PRKN: variants seen among roughly 807,000 people sequenced by gnomAD.
The protein encoded by PRKN is E3 ubiquitin-protein ligase parkin.
Under a neutral mutation model 59.5 loss-of-function variants are expected in PRKN, and 56 were observed. The ratio of observed to expected loss-of-function variants is 0.94; its 90% CI spans 0.76 to 1.18. The LOEUF is 1.18. PRKN is among the 50% of genes most tolerant of loss of function. The pLI is 0.00. For missense variants in PRKN, 657 were observed against 596.4 expected, an observed-to-expected ratio of 1.10 and a Z score of -1.06; for synonymous variants, 250 against 222.1, an observed-to-expected ratio of 1.13 and a Z score of -1.12.
At chr6:161,763,767 C>G (rs1789307319) in intron 7 of PRKN, among the ~76,000 whole-genome samples, 2 of 152,052 alleles carry the variant, frequency 1.3e-5, no homozygotes, top group South Asian at 2.1e-4. Context: ...CATGATACCA[C>G]TCACGAGCAT....
chr6:162,401,287 G>GT (rs1043908376), intron 2 of PRKN, among the ~76,000 whole-genome samples: 31 of 150,950 alleles, frequency 2.1e-4, no homozygotes, highest in Non-Finnish European at 4.1e-4. Flanking sequence ...TAAAAAGCTA[G>GT]TTCTTCACTG....
At chr6:161,589,517 T>A (rs1238359409) in intron 7 of PRKN, among the ~76,000 whole-genome samples, 2 of 151,968 alleles carry the variant, frequency 1.3e-5, no homozygotes, top group African/African-American at 4.8e-5. Context: ...AAATTTGATC[T>A]CCCTCTTCAG....
chr6:162,596,402 T>TGTTA (rs760774338), intron 1 of PRKN, among the ~76,000 whole-genome samples: 3 of 152,212 alleles, frequency 2.0e-5, no homozygotes, highest in Non-Finnish European at 4.4e-5. Context: ...AAGGAATAAT[T>TGTTA]GTTACCATGT....
At chr6:162,106,182 A>T (rs1342870544) in intron 4 of PRKN, among the ~76,000 whole-genome samples, 3 of 152,170 alleles carry the variant, frequency 2.0e-5, no homozygotes, top group Non-Finnish European at 1.5e-5. Flanking sequence ...CGGGAAGAGG[A>T]TGGATAGATT....
At chr6:162,428,016 A>T (rs1789326127) in intron 2 of PRKN, among the ~76,000 whole-genome samples, 1 of 152,138 alleles carries the variant, frequency 6.6e-6, no homozygotes, top group South Asian at 2.1e-4. Context: ...TGGGCCCACT[A>T]GTATTTGTCA....
intron 3 of PRKN, among the ~76,000 whole-genome samples, chr6:162,238,563 A>T (rs1005477265): frequency 1.3e-5 from 2 of 152,216 alleles, no homozygotes; most frequent in Non-Finnish European, 2.9e-5. Context: ...AGACGTTAGT[A>T]TTCCTTGTTT....
intron 9 of PRKN, among the ~76,000 whole-genome samples, chr6:161,425,220 C>G (rs933100750): frequency 6.6e-6 from 1 of 152,156 alleles, no homozygotes; most frequent in Non-Finnish European, 1.5e-5. Context: ...AGCTGAAACT[C>G]CCTCCTAGAT....
chr6:162,642,768 C>A (rs992414950), intron 1 of PRKN, among the ~76,000 whole-genome samples: 2 of 151,482 alleles, frequency 1.3e-5, no homozygotes, highest in Non-Finnish European at 2.9e-5. Context: ...CCAATCTAAT[C>A]AAAAATTCAC....
At chr6:162,445,689 T>TAAAAAAAA in intron 1 of PRKN, among the ~76,000 whole-genome samples, 1 of 28,730 alleles carries the variant, frequency 3.5e-5, no homozygotes, top group Non-Finnish European at 5.5e-5. Context: ...AGACCTTGTC[T>TAAAAAAAA]AAAAAAAAAA....
intron 2 of PRKN, among the ~76,000 whole-genome samples, chr6:162,264,238 C>T (rs1250889875): frequency 6.6e-6 from 1 of 152,122 alleles, no homozygotes; most frequent in Non-Finnish European, 1.5e-5. Context: ...GATCATGCCA[C>T]TGCACTCCAG....
intron 2 of PRKN, among the ~76,000 whole-genome samples, chr6:162,413,908 G>A (rs1470919306): frequency 9.2e-5 from 14 of 152,148 alleles, no homozygotes; most frequent in East Asian, 3.9e-4. Flanking sequence ...CAGGCTGGGC[G>A]CGGTGGCTCA....
intron 6 of PRKN, among the ~76,000 whole-genome samples, chr6:161,866,406 T>C (rs954237995): frequency 1.3e-5 from 2 of 152,004 alleles, no homozygotes; most frequent in African/African-American, 2.4e-5. Flanking sequence ...AAACCCTGTC[T>C]CTACTAAAAA....
In PRKN at chr6:161,463,860, A is replaced by G. The variant is rs998924959; in HGVS notation, c.1084-76983T>C. Among the ~76,000 whole-genome samples, 8 of 152,196 alleles carry G rather than the reference A, an allele frequency of 5.3e-5. No individual in the cohort carries two copies. Among genetic ancestry groups the G allele is most frequent in the African/African-American group, 1.9e-4 (8 of 41,458 alleles). On this transcript the variant is annotated intron_variant, in intron 9 of 11. Coordinates refer to ENST00000366898, the MANE Select transcript of PRKN (RefSeq NM_004562.3). This position sits in a 1 kb window ranked among gnomAD's most constrained non-coding sequence, Gnocchi z 4.8. The stretch of plus-strand genomic sequence containing the variant: ...ATCCAAGCCCTGCAACTATCCCACA[A>G]TATTATAGTATTATTCACTTATATT...
intron 6 of PRKN, among the ~76,000 whole-genome samples, chr6:161,910,210 G>A (rs1178609255): frequency 6.6e-6 from 1 of 152,130 alleles, no homozygotes; most frequent in Non-Finnish European, 1.5e-5. Context: ...TACTTCTAGG[G>A]AAGATGCCGT....
intron 5 of PRKN, among the ~76,000 whole-genome samples, chr6:162,043,252 G>A (rs1372349036): frequency 6.6e-6 from 1 of 152,190 alleles, no homozygotes; most frequent in Non-Finnish European, 1.5e-5. Flanking sequence ...TTCAAGCTGA[G>A]ATTTGGGTGG....
intron 2 of PRKN, among the ~76,000 whole-genome samples, chr6:162,352,037 C>T (rs533120326): frequency 6.6e-6 from 1 of 152,126 alleles, no homozygotes; most frequent in South Asian, 2.1e-4. Flanking sequence ...TTCTAACATA[C>T]CCTACCGGGT....
intron 1 of PRKN, among the ~76,000 whole-genome samples, chr6:162,615,781 G>A (rs1032543369): frequency 3.9e-5 from 6 of 152,168 alleles, no homozygotes; most frequent in Non-Finnish European, 5.9e-5. Flanking sequence ...AGAGAGGGAC[G>A]AAGAACGACT....
rs916170345 is a variant in PRKN, at chr6:161,399,156, C to A, written c.1084-12279G>T. Among the ~76,000 whole-genome samples the A allele has an allele frequency of 3.3e-5, 5 of 152,096 alleles. No individual in the cohort carries two copies. The highest frequency in any genetic ancestry group is 7.4e-5 in the Non-Finnish European group (5 of 68,018). The stretch of plus-strand genomic sequence containing the variant: ...GGACGGCCCAACTCCAGGGGAAGAT[C>A]ATCTTTCTACTCCATCCCCTTTCCA... On this transcript the variant is annotated intron_variant, in intron 9 of 11. Coordinates refer to ENST00000366898, the MANE Select transcript of PRKN (RefSeq NM_004562.3). The surrounding 1 kb of genome is among the most constrained non-coding windows in gnomAD (Gnocchi z 4.4).
At chr6:161,818,708 G>A (rs1791894452) in intron 6 of PRKN, among the ~76,000 whole-genome samples, 1 of 152,026 alleles carries the variant, frequency 6.6e-6, no homozygotes, top group East Asian at 1.9e-4. Context: ...TTCACAGAAG[G>A]CAGTAAGACA....
Sources: gnomAD v4.1 joint callset for allele counts (sites outside exome capture counted in the v4.1 genomes callset) on GRCh38, gnomAD v4.1.1 for gene constraint, Gnocchi (gnomAD v3.1) non-coding constraint, MANE v1.5 for transcripts, NCBI Gene and HGNC (gene_info 2026-07-23, HGNC 2026-07-21) for gene names.